MTUS2: variants seen among roughly 807,000 people sequenced by gnomAD.
The protein encoded by MTUS2 is microtubule associated scaffold protein 2.
Under a neutral mutation model 114.1 loss-of-function variants are expected in MTUS2, and 40 were observed. The observed-to-expected ratio is 0.35, with a 90% CI of 0.27 to 0.46. The LOEUF (loss-of-function observed/expected upper bound fraction) is 0.46, where lower values mean the gene tolerates loss of function less well. Ranked by LOEUF, MTUS2 falls within the 20% of genes least tolerant of loss-of-function variation. The pLI is 1.00. For synonymous variants in MTUS2, 688 were observed against 672.0 expected (o/e 1.02, Z -0.37); for missense variants, 1,679 against 1,705.4 (o/e 0.98, Z 0.27).
At chr13:29,087,796 C>T (rs575288660) in intron 4 of MTUS2, among the ~76,000 whole-genome samples, 250 of 152,248 alleles carry the variant, frequency 1.6e-3, no homozygotes, top group African/African-American at 5.7e-3. Context: ...CAGTGGCTCA[C>T]GCCTGTAATC....
At chr13:29,002,886 T>G (rs1326262981) in intron 2 of MTUS2, among the ~76,000 whole-genome samples, 1 of 152,222 alleles carries the variant, frequency 6.6e-6, no homozygotes. Context: ...TCTGGTACAC[T>G]TAGTTCCCCA....
At chr13:28,899,662 G>A (rs919332384) in intron 2 of MTUS2, among the ~76,000 whole-genome samples, 67 of 151,814 alleles carry the variant, frequency 4.4e-4, no homozygotes, top group African/African-American at 1.6e-3. Flanking sequence ...TGCCCGTCTC[G>A]GCCTCCCAAA....
intron 4 of MTUS2, among the ~76,000 whole-genome samples, chr13:29,078,549 GTA>G (rs1205761606): frequency 6.6e-6 from 1 of 152,152 alleles, no homozygotes; most frequent in African/African-American, 2.4e-5. Context: ...GTGGTTTTTA[GTA>G]TATTCACAGA....
intron 5 of MTUS2, among the ~76,000 whole-genome samples, chr13:29,121,238 T>C (rs1593498318): frequency 1.3e-5 from 2 of 152,298 alleles, no homozygotes; most frequent in Admixed American, 6.5e-5. Context: ...CTTTGATTGC[T>C]CTCATACTAA....
At chr13:29,183,441 A>G (rs1894092401) in intron 5 of MTUS2, among the ~76,000 whole-genome samples, 1 of 152,212 alleles carries the variant, frequency 6.6e-6, no homozygotes, top group South Asian at 2.1e-4. Flanking sequence ...AATTGGAATT[A>G]TCTATTAGAC....
chr13:28,853,374 C>T (rs1008564059), intron 2 of MTUS2, among the ~76,000 whole-genome samples: 53 of 152,212 alleles, frequency 3.5e-4, no homozygotes, highest in African/African-American at 1.3e-3. Context: ...TCTAGAACGG[C>T]AGTGGCCGGA....
chr13:28,898,831 A>G (rs1381324017), intron 2 of MTUS2, among the ~76,000 whole-genome samples: 6 of 152,228 alleles, frequency 3.9e-5, no homozygotes, highest in Non-Finnish European at 8.8e-5. Context: ...TGCTGATTTC[A>G]CATGAGCTAT....
At chr13:29,395,950 T>C (rs1316336820) in intron 8 of MTUS2, among the ~76,000 whole-genome samples, 1 of 152,120 alleles carries the variant, frequency 6.6e-6, no homozygotes, top group Non-Finnish European at 1.5e-5. Flanking sequence ...AGGTTTGAAA[T>C]GAAATAACAC....
chr13:28,839,947 A>G (rs1262191131), intron 2 of MTUS2, 97 bp downstream of exon 2: 1 of 151,172 alleles, frequency 6.6e-6, no homozygotes, highest in Non-Finnish European at 1.5e-5. Context: ...ACTCAAGGTA[A>G]ATAGCTGGTG....
chr13:29,089,545 G>A (rs557823768), intron 4 of MTUS2, among the ~76,000 whole-genome samples: 11 of 152,316 alleles, frequency 7.2e-5, no homozygotes, highest in Admixed American at 7.2e-4. Context: ...CCTCAAATAT[G>A]TTTTCCAAGT....
chr13:29,343,756 C>T (rs1868391018), intron 7 of MTUS2, among the ~76,000 whole-genome samples: 2 of 151,826 alleles, frequency 1.3e-5, no homozygotes, highest in South Asian at 4.1e-4. Flanking sequence ...TCTGTTTGTC[C>T]TCTTTCAGCT....
At chr13:29,377,318 G>A (rs1487980912) in intron 8 of MTUS2, among the ~76,000 whole-genome samples, 2 of 152,120 alleles carry the variant, frequency 1.3e-5, no homozygotes, top group Non-Finnish European at 2.9e-5. Flanking sequence ...AGTGTACATG[G>A]AACATTTGCC....
chr13:28,965,060 A>G (rs527374571), intron 2 of MTUS2, among the ~76,000 whole-genome samples: 1 of 152,120 alleles, frequency 6.6e-6, no homozygotes, highest in Non-Finnish European at 1.5e-5. Context: ...CATTTTGGTA[A>G]CATAGTGGAG....
Position 29,295,777 on chromosome 13 carries a change from G to T in MTUS2, c.2806+13912G>T, listed in dbSNP as rs193186814. ...GGAGTCCTCACAATCATGGTGGAAG[G>T]TGAAAGAGGAGCAAAGGCATTTCTT... On this transcript the variant is annotated intron_variant, in intron 6 of 15. Coordinates refer to ENST00000612955, the MANE Select transcript of MTUS2 (RefSeq NM_001033602.4). 4.2e-3 allele frequency among the ~76,000 whole-genome samples: 636 copies of T among 152,344 alleles called. 4 individuals are homozygous for T. The highest frequency in any genetic ancestry group is 0.015 in the African/African-American group (612 of 41,580).
At chr13:29,047,512 C>CTT (rs11367692) in intron 4 of MTUS2, among the ~76,000 whole-genome samples, 27 of 135,776 alleles carry the variant, frequency 2.0e-4, no homozygotes, top group African/African-American at 3.3e-4. Context: ...AAAATTTACT[C>CTT]TTTTTTTTTT....
chr13:29,257,445 C>T (rs1897316802), intron 5 of MTUS2, among the ~76,000 whole-genome samples: 1 of 152,158 alleles, frequency 6.6e-6, no homozygotes, highest in African/African-American at 2.4e-5. Flanking sequence ...ACAGAGTTCA[C>T]CTGGCAGGCA....
intron 13 of MTUS2, 149 bp from the exon 14 acceptor site, chr13:29,498,269 A>G: frequency 8.9e-7 from 1 of 1,124,798 alleles, no homozygotes; most frequent in Non-Finnish European, 1.2e-6. Context: ...TTATCAGGGA[A>G]GGCTGTGAGC....
intron 7 of MTUS2, among the ~76,000 whole-genome samples, chr13:29,357,006 A>G (rs1869797923): frequency 6.6e-6 from 1 of 152,222 alleles, no homozygotes; most frequent in Non-Finnish European, 1.5e-5. Flanking sequence ...CGCTGGCCCC[A>G]GAAGAAGAGG....
intron 2 of MTUS2, among the ~76,000 whole-genome samples, chr13:28,969,531 C>T (rs1883757102): frequency 1.3e-5 from 2 of 152,064 alleles, no homozygotes; most frequent in South Asian, 4.2e-4. Context: ...GAGACAGAGT[C>T]TCACTCTGTC....
Sources: gnomAD v4.1 joint callset for allele counts (sites outside exome capture counted in the v4.1 genomes callset) on GRCh38, gnomAD v4.1.1 for gene constraint, MANE v1.5 for transcripts, NCBI Gene and HGNC (gene_info 2026-07-23, HGNC 2026-07-21) for gene names.